NR6A1: variants seen among roughly 807,000 people sequenced by gnomAD.
NR6A1 encodes the protein retinoic acid receptor-related testis-associated receptor.
Under a neutral mutation model 59.1 loss-of-function variants are expected in NR6A1, and 7 were observed. That is an observed-to-expected ratio of 0.12 (90% CI 0.07 to 0.22). The LOEUF (loss-of-function observed/expected upper bound fraction) is 0.22. Ranked by LOEUF, NR6A1 falls within the 10% of genes least tolerant of loss-of-function variation. The pLI is 1.00. For missense variants in NR6A1, 468 were observed against 611.6 expected, an observed-to-expected ratio of 0.77 and a Z score of 2.48; for synonymous variants, 243 against 236.1, an observed-to-expected ratio of 1.03 and a Z score of -0.27.
chr9:124,566,950 T>C (rs991383335), intron 2 of NR6A1, among the ~76,000 whole-genome samples: 10 of 151,348 alleles, frequency 6.6e-5, no homozygotes, highest in African/African-American at 1.9e-4. Flanking sequence ...CTACTAAAAA[T>C]ACAAAAAATT....
At chr9:124,766,844 T>TC (rs1374824166) in intron 1 of NR6A1, among the ~76,000 whole-genome samples, 1 of 152,178 alleles carries the variant, frequency 6.6e-6, no homozygotes, top group African/African-American at 2.4e-5. Context: ...TGAACACAAT[T>TC]CATTAACAAA....
intron 2 of NR6A1, among the ~76,000 whole-genome samples, chr9:124,576,473 G>A (rs1834597931): frequency 6.6e-6 from 1 of 152,062 alleles, no homozygotes; most frequent in African/African-American, 2.4e-5. Flanking sequence ...ATTTTTAGTA[G>A]AGACGGGGTT....
intron 2 of NR6A1, among the ~76,000 whole-genome samples, chr9:124,696,232 T>C (rs1838756207): frequency 6.6e-6 from 1 of 151,860 alleles, no homozygotes; most frequent in Non-Finnish European, 1.5e-5. Context: ...AAAGCAAGAC[T>C]GGGAAGAGTC....
At chr9:124,564,327 T>C (rs1421225695) in intron 2 of NR6A1, among the ~76,000 whole-genome samples, 1 of 152,206 alleles carries the variant, frequency 6.6e-6, no homozygotes, top group Non-Finnish European at 1.5e-5. Flanking sequence ...GGATGGCCTA[T>C]GATCAGTACT....
chr9:124,749,584 TA>T (rs1840437253), intron 1 of NR6A1, among the ~76,000 whole-genome samples: 1 of 152,144 alleles, frequency 6.6e-6, no homozygotes, highest in Non-Finnish European at 1.5e-5. Flanking sequence ...CAGGTCTCGC[TA>T]TGTTGCCCAG....
chr9:124,572,934 G>A (rs943904485), intron 2 of NR6A1, among the ~76,000 whole-genome samples: 3 of 152,140 alleles, frequency 2.0e-5, no homozygotes, highest in African/African-American at 7.2e-5. Context: ...AGGCCTGAAG[G>A]ATACTGAGTA....
chr9:124,655,848 A>G (rs1837241844), intron 2 of NR6A1, among the ~76,000 whole-genome samples: 1 of 152,228 alleles, frequency 6.6e-6, no homozygotes, highest in African/African-American at 2.4e-5. Flanking sequence ...AAGAATAGTC[A>G]AGAAAAACTG....
chr9:124,742,153 G>A (rs1218033107), intron 1 of NR6A1, among the ~76,000 whole-genome samples: 1 of 152,168 alleles, frequency 6.6e-6, no homozygotes, highest in African/African-American at 2.4e-5. Context: ...ATAGGCAACA[G>A]TGACTGAAAA....
At chr9:124,559,921 A>C (rs1282386476) in intron 2 of NR6A1, among the ~76,000 whole-genome samples, 1 of 152,238 alleles carries the variant, frequency 6.6e-6, no homozygotes, top group Admixed American at 6.5e-5. Flanking sequence ...ATATCATTTA[A>C]GACTGAATTA....
chr9:124,633,036 G>A (rs1004769867), intron 2 of NR6A1, among the ~76,000 whole-genome samples: 1 of 152,150 alleles, frequency 6.6e-6, no homozygotes, highest in Non-Finnish European at 1.5e-5. Flanking sequence ...GCTATGTTTT[G>A]AGGTGCTTCA....
At chr9:124,629,688 TAGA>T (rs1284335502) in intron 2 of NR6A1, among the ~76,000 whole-genome samples, 1 of 152,226 alleles carries the variant, frequency 6.6e-6, no homozygotes, top group Non-Finnish European at 1.5e-5. Context: ...TTTGCCTTCC[TAGA>T]AGAATACTGT....
intron 2 of NR6A1, among the ~76,000 whole-genome samples, chr9:124,695,127 T>C (rs111917553): frequency 6.6e-6 from 1 of 152,204 alleles, no homozygotes; most frequent in South Asian, 2.1e-4. Flanking sequence ...TTTTCAACTA[T>C]TGCCCAACCT....
At chr9:124,599,026 C>T (rs879897935) in intron 2 of NR6A1, 4 of 741,708 alleles carry the variant, frequency 5.4e-6, no homozygotes, top group South Asian at 2.8e-5. Context: ...TGTCCCTCCT[C>T]ATGAGGAGGC....
chr9:124,534,699 C>T (rs1017556970), intron 7 of NR6A1, among the ~76,000 whole-genome samples: 3 of 152,224 alleles, frequency 2.0e-5, no homozygotes, highest in Admixed American at 6.5e-5. Flanking sequence ...CAGGCATATG[C>T]TCAAATCTAA....
chr9:124,582,188 G>A (rs959682574), intron 2 of NR6A1, among the ~76,000 whole-genome samples: 3 of 152,292 alleles, frequency 2.0e-5, no homozygotes, highest in African/African-American at 7.2e-5. Context: ...GTCCATCAGT[G>A]ATAGACTGGA....
chr9:124,581,631 T>C (rs1198508293), intron 2 of NR6A1, among the ~76,000 whole-genome samples: 1 of 151,784 alleles, frequency 6.6e-6, no homozygotes, highest in Non-Finnish European at 1.5e-5. Context: ...ATCATCAGAG[T>C]AAACAGACAA....
chr9:124,609,426 C>T (rs985166180), intron 2 of NR6A1, among the ~76,000 whole-genome samples: 2 of 152,042 alleles, frequency 1.3e-5, no homozygotes, highest in Admixed American at 1.3e-4. Context: ...TGTAGATGTG[C>T]AGCCTTATTT....
Position 124,762,773 on chromosome 9 carries a change from G to T in NR6A1, c.100+8247C>A, listed in dbSNP as rs562336998. ...AAATACTGAATTACTGAGATATTCA[G>T]ATTTTCAAAATGTTGACACATTTCA... is the stretch of plus-strand genomic sequence containing the variant. On this transcript the variant is annotated intron_variant, in intron 1 of 9. Transcript: ENST00000487099. 2.0e-5 allele frequency among the ~76,000 whole-genome samples: 3 copies of T among 152,286 alleles called. No homozygotes were observed. In the East Asian group the frequency reaches 5.8e-4, roughly 29 times the overall value.
chr9:124,591,540 CAG>C (rs1186414018), intron 2 of NR6A1, among the ~76,000 whole-genome samples: 11 of 152,180 alleles, frequency 7.2e-5, no homozygotes, highest in Admixed American at 6.5e-4. Flanking sequence ...ACAGAAGCAG[CAG>C]TAGTTTTTGT....
Sources: gnomAD v4.1 joint callset for allele counts (sites outside exome capture counted in the v4.1 genomes callset) on GRCh38, gnomAD v4.1.1 for gene constraint, MANE v1.5 for transcripts, NCBI Gene and HGNC (gene_info 2026-07-23, HGNC 2026-07-21) for gene names.